The following PPARGC1A variants were observed in gnomAD, a reference collection of about 807,000 sequenced individuals.
PPARGC1A encodes peroxisome proliferator-activated receptor gamma coactivator 1-alpha.
A neutral mutation model predicts 88.7 loss-of-function variants in PPARGC1A; 25 were observed. That is an observed-to-expected ratio of 0.28 (90% CI 0.21 to 0.39). The LOEUF (loss-of-function observed/expected upper bound fraction) is 0.39. Ranked by LOEUF, PPARGC1A falls within the 10% of genes least tolerant of loss-of-function variation. The pLI, the probability that PPARGC1A is intolerant of heterozygous loss-of-function variation, is 1.00. For synonymous variants in PPARGC1A, 363 were observed against 355.6 expected (o/e 1.02, Z -0.24); for missense variants, 880 against 968.7 (o/e 0.91, Z 1.22).
At chr4:24,387,884 A>AAGAAAGAAAGAAAG in the PPARGC1A span, among the ~76,000 whole-genome samples, 1 of 124,390 alleles carries the variant, frequency 8.0e-6, no homozygotes, top group African/African-American at 3.3e-5. Context: ...AAGAGAAAGA[A>AAGAAAGAAAGAAAG]AGAAAGAAAG....
the PPARGC1A span, among the ~76,000 whole-genome samples, chr4:24,137,879 C>G: frequency 6.6e-6 from 1 of 152,170 alleles, no homozygotes; most frequent in African/African-American, 2.4e-5. Flanking sequence ...CGTTTCCCCC[C>G]TCAAACACAG....
chr4:24,239,474 G>A, the PPARGC1A span, among the ~76,000 whole-genome samples: 33 of 152,184 alleles, frequency 2.2e-4, no homozygotes, highest in African/African-American at 7.0e-4. Context: ...AGCTTCCTGC[G>A]TGATCTTGTA....
chr4:24,228,674 C>A, the PPARGC1A span, among the ~76,000 whole-genome samples: 3 of 152,016 alleles, frequency 2.0e-5, no homozygotes, highest in Non-Finnish European at 4.4e-5. Flanking sequence ...AGAAAAAAAA[C>A]CCAGGTAGGG....
the PPARGC1A span, among the ~76,000 whole-genome samples, chr4:24,082,171 G>A: frequency 2.2e-4 from 34 of 152,108 alleles, no homozygotes; most frequent in Admixed American, 3.9e-4. Flanking sequence ...AAGCCCTTGC[G>A]GCAGCAAACT....
At chr4:23,836,288 G>A (rs181222939) in intron 2 of PPARGC1A, among the ~76,000 whole-genome samples, 2 of 152,204 alleles carry the variant, frequency 1.3e-5, no homozygotes, top group Admixed American at 6.5e-5. Context: ...ACAGGCCAAC[G>A]GGCATTTCCA....
the PPARGC1A span, among the ~76,000 whole-genome samples, chr4:24,156,738 T>C: frequency 4.0e-4 from 53 of 132,746 alleles, no homozygotes; most frequent in African/African-American, 8.9e-4. Context: ...CTCTCTCTCT[T>C]TTTTTTTTTT....
At chr4:24,176,396 A>G in the PPARGC1A span, among the ~76,000 whole-genome samples, 1 of 152,104 alleles carries the variant, frequency 6.6e-6, no homozygotes, top group African/African-American at 2.4e-5. Context: ...CTGCCACACA[A>G]CAAAAAAGTG....
intron 3 of PPARGC1A, among the ~76,000 whole-genome samples, chr4:23,831,144 G>A (rs1724930823): frequency 6.6e-6 from 1 of 152,102 alleles, no homozygotes. Flanking sequence ...TAAAAATTAT[G>A]CATGTATTTA....
At chr4:24,373,026 G>A in the PPARGC1A span, among the ~76,000 whole-genome samples, 24,431 of 152,142 alleles carry the variant, frequency 0.16, 2,075 homozygotes, top group Non-Finnish European at 0.18. Flanking sequence ...CCTGCCATGA[G>A]CATCGTCTTC....
chr4:24,050,661 T>C, the PPARGC1A span, among the ~76,000 whole-genome samples: 2 of 152,192 alleles, frequency 1.3e-5, no homozygotes, highest in Non-Finnish European at 2.9e-5. Flanking sequence ...GTGGCCAATC[T>C]GACCCCTCAT....
At chr4:24,221,845 A>G in the PPARGC1A span, among the ~76,000 whole-genome samples, 1 of 152,140 alleles carries the variant, frequency 6.6e-6, no homozygotes, top group Admixed American at 6.5e-5. Flanking sequence ...AGCTAAAATG[A>G]TTTGGTTTGT....
the PPARGC1A span, among the ~76,000 whole-genome samples, chr4:24,454,573 A>T: frequency 7.9e-5 from 3 of 37,912 alleles, no homozygotes; most frequent in Non-Finnish European, 1.6e-4. Flanking sequence ...TTGTTTCTAC[A>T]AAAAAAATTT....
chr4:24,045,466 T>G, the PPARGC1A span, among the ~76,000 whole-genome samples: 1 of 152,094 alleles, frequency 6.6e-6, no homozygotes, highest in Non-Finnish European at 1.5e-5. Flanking sequence ...AAGTCCAAAA[T>G]CAAGGTGTCA....
the PPARGC1A span, among the ~76,000 whole-genome samples, chr4:24,246,006 T>C: frequency 5.9e-5 from 9 of 151,574 alleles, no homozygotes; most frequent in Non-Finnish European, 8.8e-5. Flanking sequence ...GTAATGAAAA[T>C]GCTCTCTATG....
chr4:24,369,345 AT>A, the PPARGC1A span, among the ~76,000 whole-genome samples: 1 of 152,168 alleles, frequency 6.6e-6, no homozygotes, highest in Non-Finnish European at 1.5e-5. Context: ...ATAAGGAAAC[AT>A]TTTCTCAGAT....
the PPARGC1A span, among the ~76,000 whole-genome samples, chr4:24,165,965 T>C: frequency 6.6e-6 from 1 of 152,190 alleles, no homozygotes; most frequent in Non-Finnish European, 1.5e-5. Context: ...GAAAGGCATG[T>C]CGAAAGCTGA....
At chr4:23,918,514 C>T in the PPARGC1A span, among the ~76,000 whole-genome samples, 1 of 152,084 alleles carries the variant, frequency 6.6e-6, no homozygotes, top group African/African-American at 2.4e-5. Context: ...CCACAGCACC[C>T]AGTCAAAAAT....
At chr4:24,273,672 C>T in the PPARGC1A span, among the ~76,000 whole-genome samples, 50 of 151,726 alleles carry the variant, frequency 3.3e-4, no homozygotes, top group Non-Finnish European at 5.1e-4. Flanking sequence ...AAGGCACCTT[C>T]CAATAGTGTT....
the PPARGC1A span, among the ~76,000 whole-genome samples, chr4:23,911,090 A>G: frequency 6.6e-6 from 1 of 152,178 alleles, no homozygotes; most frequent in Non-Finnish European, 1.5e-5. Context: ...AACAGAGAAA[A>G]TGGAATCAAT....
Sources: allele counts gnomAD v4.1 joint callset (sites outside exome capture counted in the v4.1 genomes callset), GRCh38; gene constraint gnomAD v4.1.1; transcripts MANE v1.5; gene names NCBI Gene and HGNC (gene_info 2026-07-23, HGNC 2026-07-21).